The following NPAS3 variants were observed in gnomAD, a reference collection of about 807,000 sequenced individuals.
NPAS3 encodes the protein neuronal PAS domain-containing protein 3.
NPAS3 carries 14 observed loss-of-function variants against 73.1 expected under a neutral mutation model. The observed-to-expected ratio is 0.19, with a 90% confidence interval of 0.13 to 0.30. The LOEUF (loss-of-function observed/expected upper bound fraction) is 0.30, where lower values mean the gene tolerates loss of function less well. NPAS3 is among the 10% of genes least tolerant of loss of function. The pLI is 1.00. For synonymous variants in NPAS3, 620 were observed against 541.5 expected (o/e 1.14, Z -2.01); for missense variants, 1,096 against 1,250.0 (o/e 0.88, Z 1.86).
intron 5 of NPAS3, among the ~76,000 whole-genome samples, chr14:33,632,166 G>C (rs1300479189): frequency 2.0e-5 from 3 of 152,148 alleles, no homozygotes; most frequent in African/African-American, 7.2e-5. Flanking sequence ...TAAAGAACTA[G>C]TTGGTGACCT....
In NPAS3 at chr14:32,964,983, G is replaced by C. The variant is rs1024743084; in HGVS notation, c.50+25617G>C. On this transcript the variant is annotated intron_variant, in intron 1 of 11. Coordinates refer to ENST00000356141, the Ensembl canonical transcript of NPAS3. ...AGACCCTGTCTCTGAAACACAAAAA[G>C]AAAGAAATGGTAGCAAAACAAAGTA... Among the ~76,000 whole-genome samples, 8 of 152,084 alleles carry C rather than the reference G, an allele frequency of 5.3e-5. No homozygotes were observed. The South Asian group carries it at 1.7e-3, about 32-fold the overall frequency.
intron 6 of NPAS3, among the ~76,000 whole-genome samples, chr14:33,679,213 A>G (rs1380221469): frequency 6.6e-6 from 1 of 152,216 alleles, no homozygotes; most frequent in African/African-American, 2.4e-5. Context: ...GACTCTCACC[A>G]GTAGAGAACG....
At chr14:33,564,809 A>G (rs955071168) in intron 5 of NPAS3, among the ~76,000 whole-genome samples, 1 of 152,214 alleles carries the variant, frequency 6.6e-6, no homozygotes, top group Non-Finnish European at 1.5e-5. Flanking sequence ...TCAAGTTAAT[A>G]TAGGGTCCTG....
intron 4 of NPAS3, among the ~76,000 whole-genome samples, chr14:33,418,639 C>G (rs943722558): frequency 6.7e-6 from 1 of 150,270 alleles, no homozygotes; most frequent in Non-Finnish European, 1.5e-5. Context: ...TTTTATTTTT[C>G]TATTTAGAAT....
chr14:33,485,018 T>C (rs1272854071), intron 4 of NPAS3, among the ~76,000 whole-genome samples: 1 of 152,196 alleles, frequency 6.6e-6, no homozygotes. Flanking sequence ...TTCCTGCTTT[T>C]GGTAAATAGA....
rs2046761146 is a variant in NPAS3 at position 33,386,036 on chromosome 14, G to T, written c.468+18768G>T. Among the ~76,000 whole-genome samples the T allele has an allele frequency of 4.0e-5, 6 of 151,878 alleles. No individual in the cohort carries two copies. In the South Asian group the frequency reaches 1.2e-3, roughly 31 times the overall value. ...ATGAGGAATGTATACGTACAGATAA[G>T]TGTGTGTGCACTTGAACACATCTGT... On this transcript the variant is annotated intron_variant, in intron 4 of 11. Coordinates refer to ENST00000356141, the Ensembl canonical transcript of NPAS3.
At chr14:33,785,877 A>G (rs2063155732) in intron 9 of NPAS3, among the ~76,000 whole-genome samples, 1 of 152,248 alleles carries the variant, frequency 6.6e-6, no homozygotes, top group Admixed American at 6.5e-5. Context: ...TCAAAAGATC[A>G]AGATAGCATC....
intron 3 of NPAS3, among the ~76,000 whole-genome samples, chr14:33,234,337 C>T (rs1405781360): frequency 6.6e-6 from 1 of 152,008 alleles, no homozygotes; most frequent in African/African-American, 2.4e-5. Context: ...ATAAGCAGAC[C>T]TAAGGGATTT....
intron 7 of NPAS3, among the ~76,000 whole-genome samples, chr14:33,752,052 T>G (rs542817728): frequency 6.6e-6 from 1 of 152,214 alleles, no homozygotes; most frequent in Non-Finnish European, 1.5e-5. Context: ...AACCTTTATA[T>G]TCCTGGATTG....
chr14:33,785,342 G>A (rs2138570258), intron 9 of NPAS3, among the ~76,000 whole-genome samples: 1 of 150,630 alleles, frequency 6.6e-6, no homozygotes, highest in East Asian at 2.0e-4. Flanking sequence ...GGCTGAGACA[G>A]GAGAATGGTG....
At chr14:33,471,705 T>C (rs1335970714) in intron 4 of NPAS3, among the ~76,000 whole-genome samples, 2 of 152,224 alleles carry the variant, frequency 1.3e-5, no homozygotes, top group Non-Finnish European at 2.9e-5. Flanking sequence ...TATTTTTATC[T>C]AATAAAGGGG....
intron 8 of NPAS3, among the ~76,000 whole-genome samples, chr14:33,777,538 A>G (rs906546177): frequency 2.0e-5 from 3 of 151,456 alleles, no homozygotes; most frequent in Non-Finnish European, 4.4e-5. Flanking sequence ...TCATATTTCA[A>G]TAGACCATAT....
chr14:33,288,133 T>G (rs1158384368), intron 3 of NPAS3, among the ~76,000 whole-genome samples: 1 of 152,216 alleles, frequency 6.6e-6, no homozygotes, highest in Non-Finnish European at 1.5e-5. Flanking sequence ...TTAGAAAGGT[T>G]AGATATCTGT....
chr14:33,001,724 A>G (rs1566452204), intron 1 of NPAS3, among the ~76,000 whole-genome samples: 1 of 152,118 alleles, frequency 6.6e-6, no homozygotes, highest in South Asian at 2.1e-4. Context: ...TCTCCTAATG[A>G]TGGCATTGGT....
chr14:33,150,423 C>G (rs987132767), intron 2 of NPAS3, among the ~76,000 whole-genome samples: 1 of 152,090 alleles, frequency 6.6e-6, no homozygotes, highest in Non-Finnish European at 1.5e-5. Flanking sequence ...TGGTAGGTTG[C>G]GCTGCATTTC....
chr14:33,282,738 G>C (rs953893932), intron 3 of NPAS3, among the ~76,000 whole-genome samples: 15 of 152,120 alleles, frequency 9.9e-5, no homozygotes, highest in Non-Finnish European at 2.2e-4. Context: ...CTGAATAGGG[G>C]ATAGGCTGGT....
chr14:33,332,691 T>C (rs536239274), intron 3 of NPAS3, among the ~76,000 whole-genome samples: 6 of 152,318 alleles, frequency 3.9e-5, no homozygotes, highest in Admixed American at 2.0e-4. Context: ...TTTTTCTACA[T>C]GGTCACTTGG....
intron 4 of NPAS3, among the ~76,000 whole-genome samples, chr14:33,535,612 T>C (rs2054228582): frequency 6.6e-6 from 1 of 152,198 alleles, no homozygotes; most frequent in Admixed American, 6.5e-5. Context: ...ATTAATCAAT[T>C]AACATGTTCA....
At chr14:33,718,023 C>A (rs562036915) in intron 6 of NPAS3, among the ~76,000 whole-genome samples, 1 of 151,694 alleles carries the variant, frequency 6.6e-6, no homozygotes, top group East Asian at 1.9e-4. Context: ...AGTGAGTACC[C>A]AATACATGTT....
Sources: gnomAD v4.1 joint callset for allele counts (sites outside exome capture counted in the v4.1 genomes callset) on GRCh38, gnomAD v4.1.1 for gene constraint, MANE v1.5 for transcripts, NCBI Gene and HGNC (gene_info 2026-07-23, HGNC 2026-07-21) for gene names.